The following PHF20L1 variants were observed in gnomAD, a reference collection of about 807,000 sequenced individuals.
PHF20L1 encodes PHD finger protein 20-like protein 1.
A neutral mutation model predicts 125.5 loss-of-function variants in PHF20L1; 44 were observed. The ratio of observed to expected loss-of-function variants is 0.35; its 90% CI spans 0.28 to 0.45. PHF20L1 has a LOEUF of 0.45. PHF20L1 is among the 20% of genes least tolerant of loss of function. PHF20L1 has a pLI of 1.00. For synonymous variants in PHF20L1, 380 were observed against 403.1 expected (o/e 0.94, Z 0.69); for missense variants, 1,012 against 1,217.2 (o/e 0.83, Z 2.51).
At chr8:132,827,557 G>A (rs1298545258) in intron 14 of PHF20L1, among the ~76,000 whole-genome samples, 2 of 151,962 alleles carry the variant, frequency 1.3e-5, no homozygotes, top group African/African-American at 2.4e-5. Context: ...AACAGCAGCT[G>A]ATACAAAACA....
intron 14 of PHF20L1, chr8:132,826,642 CTG>C (rs1320019160): frequency 2.0e-5 from 3 of 151,866 alleles, no homozygotes; most frequent in Non-Finnish European, 4.4e-5. Context: ...AGAGATTCAA[CTG>C]TGTGTGGGAA....
chr8:132,815,135 T>C, intron 10 of PHF20L1: 1 of 306,750 alleles, frequency 3.3e-6, no homozygotes, highest in Admixed American at 4.8e-5. Flanking sequence ...AGTTTGACTC[T>C]CCTCAACTCA....
intron 15 of PHF20L1, among the ~76,000 whole-genome samples, chr8:132,833,309 C>T (rs1190122508): frequency 6.6e-6 from 1 of 152,060 alleles, no homozygotes; most frequent in African/African-American, 2.4e-5. Flanking sequence ...TCCTCCCTGG[C>T]TCGTTATGGA....
At chr8:132,836,771 T>A in intron 16 of PHF20L1, 50 bp downstream of exon 16, 1 of 1,297,754 alleles carries the variant, frequency 7.7e-7, no homozygotes, top group Non-Finnish European at 1.1e-6. Context: ...TTTCAGGTGC[T>A]CAGCAAATGC....
chr8:132,841,110 A>G (rs1837888617), intron 18 of PHF20L1, among the ~76,000 whole-genome samples: 1 of 152,078 alleles, frequency 6.6e-6, no homozygotes, highest in Non-Finnish European at 1.5e-5. Flanking sequence ...AATTTTGCCA[A>G]GGATTTTAAT....
At position 132,817,072 on chromosome 8, in the gene PHF20L1, A is replaced by G. The variant is rs766451022; in HGVS notation, c.1368A>G (p.Pro456=). 6.5e-7 allele frequency: 1 copy of G among 1,547,764 alleles called. No individual in the cohort carries two copies. Among genetic ancestry groups the G allele is most frequent in the Non-Finnish European group, 8.8e-7 (1 of 1,142,378 alleles). ...SSQNQQESSV[P]EVPDVAHLPL... is the part of the protein sequence containing the mutation. ...AAAATCAGCAAGAATCTTCAGTACCAGAGGGTAATGTATATTGATTTCCTA... is the reference window on the plus strand; with the variant it reads ...AAAATCAGCAAGAATCTTCAGTACCGGAGGGTAATGTATATTGATTTCCTA... Residue 456 remains proline, a synonymous_variant, in exon 11 of 21, where the codon CCA becomes CCG. Transcript: ENST00000395386.
chr8:132,811,796 A>T, intron 9 of PHF20L1: 1 of 984,496 alleles, frequency 1.0e-6, no homozygotes, highest in Non-Finnish European at 1.2e-6. Flanking sequence ...CTGTAAGACT[A>T]TAAGAACGCA....
chr8:132,845,674 G>A, intron 20 of PHF20L1, 107 bp from the exon 21 acceptor site: 1 of 747,420 alleles, frequency 1.3e-6, no homozygotes. Context: ...CTAAAGATGG[G>A]GAAGTGAACC....
chr8:132,797,693 T>C (rs2131493706), intron 4 of PHF20L1, among the ~76,000 whole-genome samples: 1 of 152,152 alleles, frequency 6.6e-6, no homozygotes, highest in Admixed American at 6.6e-5. Context: ...TCTTTATATC[T>C]GTGAAATTCA....
At chr8:132,808,122 T>C (rs1833946374) in intron 8 of PHF20L1, 1 of 152,918 alleles carries the variant, frequency 6.5e-6, no homozygotes, top group Non-Finnish European at 1.5e-5. Flanking sequence ...ATTTAATAAC[T>C]TTTGTAAGTT....
Position 132,824,013 on chromosome 8 carries a change from A to G in PHF20L1, c.1589A>G (p.Lys530Arg), listed in dbSNP as rs1440478948. ...RGAPAAAGISKTEKKVKLEDK... is the reference protein window; with the variant it reads ...RGAPAAAGISRTEKKVKLEDK... ...TTCCCCTAACCCACAGGAATATCGA[A>G]AACAGAAAAAAAAGTGAAATTGGAA... The change falls in exon 13 of 21, where the codon AAA becomes AGA. Residue 530 changes from lysine to arginine, a missense_variant. Lys to Arg is a conservative substitution (Grantham distance 26). Transcript: ENST00000395386. The G allele has an allele frequency of 3.1e-6, 5 of 1,596,508 alleles. No homozygotes were observed. Among genetic ancestry groups the G allele is most frequent in the Non-Finnish European group, 4.3e-6 (5 of 1,166,728 alleles).
At chr8:132,821,664 A>G (rs1229574198) in intron 12 of PHF20L1, among the ~76,000 whole-genome samples, 1 of 151,900 alleles carries the variant, frequency 6.6e-6, no homozygotes, top group Non-Finnish European at 1.5e-5. Flanking sequence ...TAGTCAGAAG[A>G]ATCTGTAATG....
intron 2 of PHF20L1, among the ~76,000 whole-genome samples, chr8:132,786,498 G>T (rs369417268): frequency 7.9e-5 from 12 of 151,914 alleles, no homozygotes; most frequent in East Asian, 3.8e-4. Context: ...CTTGATTTTT[G>T]TATTGTTTTA....
At chr8:132,801,348 A>G (rs1412633907) in intron 6 of PHF20L1, among the ~76,000 whole-genome samples, 1 of 151,658 alleles carries the variant, frequency 6.6e-6, no homozygotes, top group Non-Finnish European at 1.5e-5. Flanking sequence ...TATGGCTAAT[A>G]TTTCTGTTTC....
intron 2 of PHF20L1, among the ~76,000 whole-genome samples, chr8:132,794,065 A>G (rs1832104468): frequency 6.6e-6 from 1 of 152,124 alleles, no homozygotes; most frequent in African/African-American, 2.4e-5. Context: ...TTTATTTGTT[A>G]TTATAAATAA....
intron 2 of PHF20L1, among the ~76,000 whole-genome samples, chr8:132,782,614 A>G (rs573151622): frequency 1.3e-5 from 2 of 151,150 alleles, no homozygotes; most frequent in East Asian, 3.9e-4. Context: ...ACAAAGTTTT[A>G]CTGTCACCCA....
chr8:132,827,545 A>G (rs549851792), intron 14 of PHF20L1, among the ~76,000 whole-genome samples: 1 of 152,174 alleles, frequency 6.6e-6, no homozygotes, highest in East Asian at 1.9e-4. Flanking sequence ...GGGGAAAAAG[A>G]TAACAGCAGC....
chr8:132,790,841 C>T (rs893372605), intron 2 of PHF20L1, among the ~76,000 whole-genome samples: 7 of 152,102 alleles, frequency 4.6e-5, no homozygotes, highest in Non-Finnish European at 8.8e-5. Flanking sequence ...TAACATCTCC[C>T]GAGAACCTTC....
At chr8:132,831,815 G>C (rs984540881) in intron 14 of PHF20L1, among the ~76,000 whole-genome samples, 1 of 152,034 alleles carries the variant, frequency 6.6e-6, no homozygotes, top group Non-Finnish European at 1.5e-5. Context: ...AGCCCAGCAC[G>C]CATTAGCTGT....
Sources: allele counts gnomAD v4.1 joint callset (sites outside exome capture counted in the v4.1 genomes callset), GRCh38; gene constraint gnomAD v4.1.1; transcripts MANE v1.5; gene names NCBI Gene and HGNC (gene_info 2026-07-23, HGNC 2026-07-21).